The following RSRC1 variants were observed in gnomAD, a reference collection of about 807,000 sequenced individuals.
RSRC1 encodes the protein serine/Arginine-related protein 53.
In RSRC1, 39 loss-of-function variants were observed where a neutral mutation model predicts 49.1. That is an observed-to-expected ratio of 0.79 (90% CI 0.61 to 1.04). RSRC1 has a LOEUF of 1.04. Ranked by LOEUF, RSRC1 falls within the 50% of genes least tolerant of loss-of-function variation. The probability of loss-of-function intolerance (pLI) is 0.00; values close to 1 mark genes in which losing one functional copy is unlikely to be tolerated. For missense variants in RSRC1, 388 were observed against 402.4 expected (o/e 0.96, Z 0.31); for synonymous variants, 143 against 130.8 (o/e 1.09, Z -0.63).
chr3:158,326,031 GTC>G (rs932302970), intron 5 of RSRC1, among the ~76,000 whole-genome samples: 5 of 152,238 alleles, frequency 3.3e-5, no homozygotes, highest in African/African-American at 1.2e-4. Flanking sequence ...CTCTCTGTTT[GTC>G]TGTTATTGGT....
chr3:158,508,548 G>C (rs1739990061), intron 7 of RSRC1, among the ~76,000 whole-genome samples: 1 of 150,218 alleles, frequency 6.7e-6, no homozygotes, highest in South Asian at 2.1e-4. Context: ...GCCCTTATCT[G>C]TTGTTTCTCT....
intron 6 of RSRC1, among the ~76,000 whole-genome samples, chr3:158,356,688 T>G (rs1210285704): frequency 1.3e-5 from 2 of 152,120 alleles, no homozygotes; most frequent in African/African-American, 2.4e-5. Context: ...GGCATTTTGC[T>G]TTGAAAAAAT....
chr3:158,212,786 G>A (rs1253877626), intron 4 of RSRC1, among the ~76,000 whole-genome samples: 11 of 151,920 alleles, frequency 7.2e-5, no homozygotes, highest in Non-Finnish European at 1.5e-5. Flanking sequence ...AAGTAAACAA[G>A]TAGGTCCCCT....
chr3:158,397,572 T>G (rs1158846976), intron 6 of RSRC1, among the ~76,000 whole-genome samples: 1 of 152,146 alleles, frequency 6.6e-6, no homozygotes, highest in Non-Finnish European at 1.5e-5. Flanking sequence ...TCAAAAGATG[T>G]GTAGAAAAAT....
chr3:158,389,346 T>A (rs1323433370), intron 6 of RSRC1, among the ~76,000 whole-genome samples: 1 of 152,192 alleles, frequency 6.6e-6, no homozygotes, highest in Non-Finnish European at 1.5e-5. Context: ...GATTGCTTCA[T>A]AAGAAAAAAT....
At chr3:158,316,165 C>T (rs1224478102) in intron 5 of RSRC1, among the ~76,000 whole-genome samples, 1 of 148,416 alleles carries the variant, frequency 6.7e-6, no homozygotes, top group Admixed American at 6.7e-5. Context: ...GAGCGAGACT[C>T]GGTCTCAAAA....
intron 7 of RSRC1, among the ~76,000 whole-genome samples, chr3:158,512,431 G>T (rs1431971729): frequency 2.0e-5 from 3 of 150,614 alleles, no homozygotes; most frequent in Non-Finnish European, 4.4e-5. Context: ...TTGTAGATAT[G>T]CGGCGTTATT....
In RSRC1 at chr3:158,543,397, T is replaced by C. The variant is rs1713147446; in HGVS notation, c.822T>C (p.Ala274=). 1.2e-6 allele frequency: 2 copies of C among 1,602,170 alleles called. No homozygotes were observed. Among genetic ancestry groups the C allele is most frequent in the Admixed American group, 1.7e-5 (1 of 58,086 alleles). ...CATCAGGACCAGCATCAGCAGTTGC[T>C]GATCCACCCAGTACTGAAAAAGAAA... ...TSTSGPASAV[A]DPPSTEKEID... is the part of the protein sequence containing the mutation. The change falls in exon 9 of 10, where the codon GCT becomes GCC. Residue 274 remains alanine, a synonymous_variant. Coordinates refer to ENST00000611884, the MANE Select transcript of RSRC1 (RefSeq NM_001271838.2).
In RSRC1 at chr3:158,518,315, T is replaced by A. The variant is rs1347525759; in HGVS notation, c.653-18777T>A. 2.7e-5 allele frequency among the ~76,000 whole-genome samples: 4 copies of A among 150,860 alleles called. 1 individual carries two copies. Among genetic ancestry groups the A allele is most frequent in the East Asian group, 1.9e-4 (1 of 5,158 alleles). ...AGTTTGTGTAACATCAAAATTATTT[T>A]TTCCTTGAACGTTTGATAGAACTTT... On this transcript the variant is annotated intron_variant, in intron 7 of 9. Coordinates refer to ENST00000611884, the MANE Select transcript of RSRC1 (RefSeq NM_001271838.2).
intron 6 of RSRC1, among the ~76,000 whole-genome samples, chr3:158,428,273 G>A (rs1735573389): frequency 6.6e-6 from 1 of 151,620 alleles, no homozygotes; most frequent in Non-Finnish European, 1.5e-5. Flanking sequence ...AGATTTTAAG[G>A]GATAATGCAT....
At chr3:158,131,056 C>T (rs543845140) in intron 3 of RSRC1, among the ~76,000 whole-genome samples, 10 of 151,706 alleles carry the variant, frequency 6.6e-5, no homozygotes, top group African/African-American at 2.4e-4. Context: ...GCAAACTTGC[C>T]TTTTTTCCTA....
At chr3:158,249,279 C>T (rs912283523) in intron 4 of RSRC1, among the ~76,000 whole-genome samples, 5 of 152,140 alleles carry the variant, frequency 3.3e-5, no homozygotes, top group African/African-American at 9.7e-5. Flanking sequence ...CCCCCTACCT[C>T]GCATCCACTC....
At chr3:158,140,225 T>A (rs1257590053) in intron 3 of RSRC1, among the ~76,000 whole-genome samples, 1 of 152,222 alleles carries the variant, frequency 6.6e-6, no homozygotes, top group Non-Finnish European at 1.5e-5. Flanking sequence ...TTTGAGTCAG[T>A]TACCTTTCAG....
At chr3:158,420,330 G>C (rs1734973237) in intron 6 of RSRC1, among the ~76,000 whole-genome samples, 2 of 151,946 alleles carry the variant, frequency 1.3e-5, no homozygotes, top group Admixed American at 1.3e-4. Context: ...CTCATGAAAA[G>C]ATTTACAGTG....
At chr3:158,118,467 G>A (rs888212883) in intron 1 of RSRC1, among the ~76,000 whole-genome samples, 1 of 147,948 alleles carries the variant, frequency 6.8e-6, no homozygotes, top group Non-Finnish European at 1.5e-5. Flanking sequence ...GTGTGTGCGC[G>A]TGCGCGTGGT....
chr3:158,352,084 A>T (rs1228716210), intron 5 of RSRC1, among the ~76,000 whole-genome samples: 1 of 152,020 alleles, frequency 6.6e-6, no homozygotes, highest in Non-Finnish European at 1.5e-5. Context: ...AACCTGGGCA[A>T]CATGGTGAGA....
chr3:158,146,945 A>G lies in RSRC1; in HGVS notation c.320+22954A>G, dbSNP rs149458968. Among the ~76,000 whole-genome samples, 1,134 of 152,100 alleles carry G rather than the reference A, an allele frequency of 7.5e-3. 18 individuals are homozygous for G. The highest frequency in any genetic ancestry group is 0.027 in the African/African-American group (1,100 of 41,496). ...TTTTTATTAAGAAAATTTCAAACAT[A>G]CTCAAGAGAAGAAATACAATATATA... On this transcript the variant is annotated intron_variant, in intron 3 of 9. Transcript: ENST00000611884.
intron 7 of RSRC1, among the ~76,000 whole-genome samples, chr3:158,516,061 G>C (rs756241828): frequency 2.7e-4 from 41 of 152,144 alleles, no homozygotes; most frequent in Non-Finnish European, 4.8e-4. Flanking sequence ...CCGTAGCTTG[G>C]AGTAATTTGA....
chr3:158,421,272 G>A (rs115085475), intron 6 of RSRC1, among the ~76,000 whole-genome samples: 2,632 of 151,926 alleles, frequency 0.017, 62 homozygotes, highest in African/African-American at 0.06. Flanking sequence ...GTGATTCGTG[G>A]CCTTATAAGC....
Sources: gnomAD v4.1 joint callset for allele counts (sites outside exome capture counted in the v4.1 genomes callset) on GRCh38, gnomAD v4.1.1 for gene constraint, MANE v1.5 for transcripts, NCBI Gene and HGNC (gene_info 2026-07-23, HGNC 2026-07-21) for gene names.